ABCC9: variants seen among roughly 807,000 people sequenced by gnomAD.
The protein encoded by ABCC9 is ATP-binding cassette sub-family C member 9.
ABCC9 carries 95 observed loss-of-function variants against 188.3 expected under a neutral mutation model. The observed-to-expected ratio is 0.50, with a 90% confidence interval of 0.43 to 0.60. The LOEUF (loss-of-function observed/expected upper bound fraction) is 0.60, where lower values mean the gene tolerates loss of function less well. Ranked by LOEUF, ABCC9 falls within the 20% of genes least tolerant of loss-of-function variation. The probability of loss-of-function intolerance (pLI) is 0.00; values close to 1 mark genes in which losing one functional copy is unlikely to be tolerated. For synonymous variants in ABCC9, 659 were observed against 652.7 expected (o/e 1.01, Z -0.15); for missense variants, 1,102 against 1,876.3 (o/e 0.59, Z 7.62).
intron 31 of ABCC9, among the ~76,000 whole-genome samples, chr12:21,826,378 G>T (rs1013534692): frequency 6.6e-6 from 1 of 151,980 alleles, no homozygotes. Flanking sequence ...TTTTTCTCAC[G>T]CAAGATCCAG....
At position 21,815,312 on chromosome 12, in the gene ABCC9, T is replaced by C. The variant is rs1384978470; in HGVS notation, c.4023+451A>G. On this transcript the variant is annotated intron_variant, in intron 34 of 39. Transcript: ENST00000261200. ...TTTTTTTTTTTTTTTGCATTTAGTA[T>C]ATTGTTGGACTAACAAATAATTATT... Among the ~76,000 whole-genome samples the C allele has an allele frequency of 2.6e-5, 4 of 151,408 alleles. No homozygotes were observed. The East Asian group carries it at 7.7e-4, about 29-fold the overall frequency.
intron 7 of ABCC9, 50 bp downstream of exon 7, chr12:21,915,618 A>G (rs752375387): frequency 3.1e-6 from 5 of 1,600,260 alleles, no homozygotes; most frequent in Non-Finnish European, 4.3e-6. Flanking sequence ...GTTCATGCCA[A>G]CAGGACCATT....
At chr12:21,911,769 G>A (rs1030725768) in intron 8 of ABCC9, among the ~76,000 whole-genome samples, 7 of 151,932 alleles carry the variant, frequency 4.6e-5, no homozygotes, top group East Asian at 1.9e-4. Context: ...TTAGCAAAAC[G>A]TGGTTAATAT....
In ABCC9 at chr12:21,903,622, C is replaced by T. The variant is rs557167663; in HGVS notation, c.1618+2504G>A. On this transcript the variant is annotated intron_variant, in intron 12 of 39. Transcript: ENST00000261200. ...TCAATGTGCAAAAATCACAAACATT[C>T]CTATACACCAATAGTAGACAAACAG... Among the ~76,000 whole-genome samples, 7 of 152,248 alleles carry T rather than the reference C, an allele frequency of 4.6e-5. No homozygotes were observed. In the East Asian group the frequency reaches 1.4e-3, roughly 29 times the overall value.
intron 5 of ABCC9, among the ~76,000 whole-genome samples, chr12:21,918,125 T>C (rs1948673767): frequency 6.6e-6 from 1 of 151,866 alleles, no homozygotes; most frequent in African/African-American, 2.4e-5. Context: ...AGATATACAA[T>C]GAAAACAATT....
At chr12:21,850,885 C>CT (rs1225110734) in intron 24 of ABCC9, among the ~76,000 whole-genome samples, 4 of 151,834 alleles carry the variant, frequency 2.6e-5, no homozygotes, top group African/African-American at 9.7e-5. Context: ...TTGTTTATTG[C>CT]TTTTTTTGCC....
In ABCC9 at chr12:21,875,688, A is replaced by G. The variant is rs945815676; in HGVS notation, c.2058T>C (p.Ala686=). Residue 686 remains alanine, a synonymous_variant, in exon 17 of 40, where the codon GCT becomes GCC. Transcript: ENST00000261200. The part of the protein sequence containing the change: ...NGYFSWGSGL[A]TLSNIDIRIP... ...TTCGAATATCTATATTGGATAATGT[A>G]GCTAAACCACTGCCCCATGAAAAGT... 1.2e-6 allele frequency: 2 copies of G among 1,612,956 alleles called. No individual in the cohort carries two copies. Among genetic ancestry groups the G allele is most frequent in the South Asian group, 2.2e-5 (2 of 91,052 alleles).
chr12:21,875,065 C>T (rs1397793877), intron 17 of ABCC9, among the ~76,000 whole-genome samples: 1 of 138,526 alleles, frequency 7.2e-6, no homozygotes, highest in African/African-American at 2.7e-5. Context: ...GTTAAGTGTT[C>T]TTCCCACAAA....
At chr12:21,837,835 C>CTAGTCACACAGCTAGTATTTTTCCT in intron 30 of ABCC9, among the ~76,000 whole-genome samples, 1 of 152,128 alleles carries the variant, frequency 6.6e-6, no homozygotes, top group Non-Finnish European at 1.5e-5. Flanking sequence ...ATGCCTTATC[C>CTAGTCACACAGCTAGTATTTTTCCT]TAGTCACACA....
At chr12:21,883,397 C>T (rs1592143616) in intron 15 of ABCC9, among the ~76,000 whole-genome samples, 1 of 152,130 alleles carries the variant, frequency 6.6e-6, no homozygotes, top group Admixed American at 6.5e-5. Flanking sequence ...GGGGAGTTCC[C>T]CTGCACATGC....
At chr12:21,924,770 T>C (rs905646948) in intron 5 of ABCC9, 2 of 152,100 alleles carry the variant, frequency 1.3e-5, no homozygotes, top group African/African-American at 4.8e-5. Flanking sequence ...TGGAAATTTC[T>C]TTCTCTTTTT....
intron 37 of ABCC9, among the ~76,000 whole-genome samples, chr12:21,808,119 A>T (rs1466008647): frequency 1.3e-5 from 2 of 152,042 alleles, no homozygotes; most frequent in African/African-American, 4.8e-5. Context: ...CTGTTTCCAA[A>T]TGTCTTTTTT....
intron 38 of ABCC9, among the ~76,000 whole-genome samples, chr12:21,806,713 A>T (rs536036887): frequency 1.3e-5 from 2 of 152,306 alleles, no homozygotes; most frequent in South Asian, 4.1e-4. Flanking sequence ...AAATTTTAAT[A>T]TCAAGTTAAC....
rs3809206 is a variant in ABCC9, at chr12:21,937,141, C to T, written c.-20-447G>A. On this transcript the variant is annotated intron_variant, in intron 2 of 39. Transcript: ENST00000261200. ...ACAAAAGTTGTTCAGTAAACTGTGA[C>T]AGAGTTTGCTGAAACATTTCACTAG... Among the ~76,000 whole-genome samples the T allele has an allele frequency of 9.1e-4, 138 of 152,230 alleles. No homozygotes were observed. The East Asian group carries it at 0.022, about 24-fold the overall frequency.
At chr12:21,830,699 G>A (rs561653086) in intron 30 of ABCC9, among the ~76,000 whole-genome samples, 31 of 152,170 alleles carry the variant, frequency 2.0e-4, no homozygotes, top group African/African-American at 6.0e-4. Context: ...TAATTCAGTC[G>A]GACAGTAAGC....
At chr12:21,914,235 G>A (rs534537352) in intron 7 of ABCC9, among the ~76,000 whole-genome samples, 1 of 152,214 alleles carries the variant, frequency 6.6e-6, no homozygotes, top group African/African-American at 2.4e-5. Context: ...CAGTGTTGTT[G>A]AGAATCCTAA....
intron 12 of ABCC9, among the ~76,000 whole-genome samples, chr12:21,898,123 A>G (rs1480704328): frequency 6.6e-6 from 1 of 152,182 alleles, no homozygotes; most frequent in African/African-American, 2.4e-5. Flanking sequence ...GCACTGCTGC[A>G]CTCTGGCCTG....
chr12:21,852,245 GA>G, intron 23 of ABCC9, 23 bp from the exon 24 acceptor site: 1 of 1,613,702 alleles, frequency 6.2e-7, no homozygotes, highest in Non-Finnish European at 8.5e-7. Flanking sequence ...GATATTCCCA[GA>G]AATGTGACGA....
intron 18 of ABCC9, among the ~76,000 whole-genome samples, chr12:21,868,529 C>T (rs145037396): frequency 0.029 from 4,465 of 152,216 alleles, 214 homozygotes; most frequent in African/African-American, 0.095. Flanking sequence ...GTCTCAGCTA[C>T]TCAGGAGGCT....
Sources: gnomAD v4.1 joint callset for allele counts (sites outside exome capture counted in the v4.1 genomes callset) on GRCh38, gnomAD v4.1.1 for gene constraint, MANE v1.5 for transcripts, NCBI Gene and HGNC (gene_info 2026-07-23, HGNC 2026-07-21) for gene names.